The following NOCT variants were observed in gnomAD, a reference collection of about 807,000 sequenced individuals.
NOCT encodes CCR4 carbon catabolite repression 4-like.
A neutral mutation model predicts 35.0 loss-of-function variants in NOCT; 18 were observed. The ratio of observed to expected loss-of-function variants is 0.51; its 90% CI spans 0.36 to 0.76. NOCT has a LOEUF of 0.76. Among genes scored for constraint, NOCT ranks in the 30% least tolerant of loss-of-function variants. NOCT has a pLI of 0.01. For synonymous variants in NOCT, 235 were observed against 226.3 expected (o/e 1.04, Z -0.34); for missense variants, 479 against 541.0 (o/e 0.89, Z 1.14).
intron 1 of NOCT, among the ~76,000 whole-genome samples, chr4:139,037,360 C>T (rs191315310): frequency 2.6e-5 from 4 of 152,292 alleles, no homozygotes; most frequent in Admixed American, 2.6e-4. Context: ...TGTTATCACA[C>T]CTGACAAGAA....
chr4:139,020,467 CCA>C (rs977995145), intron 1 of NOCT, among the ~76,000 whole-genome samples: 2 of 152,134 alleles, frequency 1.3e-5, no homozygotes, highest in Non-Finnish European at 1.5e-5. Flanking sequence ...GCAGAGAAGA[CCA>C]CACACACAAT....
At chr4:139,028,160 G>A (rs1726558322) in intron 1 of NOCT, 1 of 152,232 alleles carries the variant, frequency 6.6e-6, no homozygotes, top group African/African-American at 2.4e-5. Flanking sequence ...GAAAAGCCCA[G>A]CTTGTGGAAA....
At chr4:139,029,572 C>G (rs1726588111) in intron 1 of NOCT, among the ~76,000 whole-genome samples, 1 of 152,158 alleles carries the variant, frequency 6.6e-6, no homozygotes. Context: ...TTGACTCCTG[C>G]CAGAAAGTAA....
At chr4:139,040,017 C>T (rs948333717) in intron 1 of NOCT, among the ~76,000 whole-genome samples, 7 of 151,038 alleles carry the variant, frequency 4.6e-5, no homozygotes, top group East Asian at 2.0e-4. Flanking sequence ...CATGAGCCAC[C>T]GCGTCCGGCC....
In NOCT at chr4:139,022,055, G is replaced by A. The variant is rs563705925; in HGVS notation, c.190+5884G>A. 9.9e-5 allele frequency among the ~76,000 whole-genome samples: 15 copies of A among 152,254 alleles called. No homozygotes were observed. In the East Asian group the frequency reaches 2.3e-3, roughly 24 times the overall value. On this transcript the variant is annotated intron_variant, in intron 1 of 2. Coordinates refer to ENST00000280614, the MANE Select transcript of NOCT (RefSeq NM_012118.4). ...ATTACAGGTGTGAGCCACCACGCCC[G>A]GCCACTAATTAGAGTTTATAGGGCT...
intron 1 of NOCT, among the ~76,000 whole-genome samples, chr4:139,033,020 G>A (rs1445736444): frequency 4.6e-5 from 7 of 151,672 alleles, no homozygotes; most frequent in African/African-American, 1.5e-4. Flanking sequence ...AGCCAACATC[G>A]CGCCACTGCA....
At chr4:139,035,265 A>G (rs917536116) in intron 1 of NOCT, among the ~76,000 whole-genome samples, 24 of 152,070 alleles carry the variant, frequency 1.6e-4, no homozygotes, top group Admixed American at 2.6e-4. Context: ...TGGGACTACC[A>G]GTGCACACCA....
chr4:139,021,961 G>T (rs973371051), intron 1 of NOCT, among the ~76,000 whole-genome samples: 4 of 152,056 alleles, frequency 2.6e-5, no homozygotes, highest in African/African-American at 9.7e-5. Flanking sequence ...GTTTCACCAT[G>T]TTGGTCAGGC....
chr4:139,027,702 G>T (rs1726548975), intron 1 of NOCT, among the ~76,000 whole-genome samples: 1 of 152,068 alleles, frequency 6.6e-6, no homozygotes, highest in African/African-American at 2.4e-5. Flanking sequence ...ATTTCACTGT[G>T]TTAGCCAGGA....
chr4:139,038,197 A>AAATAAATC lies in NOCT; in HGVS notation c.191-4870_191-4869insCAATAAAT, dbSNP rs200114954. On this transcript the variant is annotated intron_variant, in intron 1 of 2. Transcript: ENST00000280614. ...CCTGGTGACAGAGTGAGACTGTCTC[A>AAATAAATC]AATAAATAAATAAATAAATAAATAA... 7.1e-3 allele frequency among the ~76,000 whole-genome samples: 1,050 copies of AAATAAATC among 147,126 alleles called. 15 individuals are homozygous for AAATAAATC. Among genetic ancestry groups the AAATAAATC allele is most frequent in the African/African-American group, 0.026 (984 of 37,320 alleles).
chr4:139,018,589 A>G (rs1415551942), intron 1 of NOCT, among the ~76,000 whole-genome samples: 6 of 152,230 alleles, frequency 3.9e-5, no homozygotes, highest in Non-Finnish European at 8.8e-5. Flanking sequence ...TGGAAGAAAC[A>G]TGCCTGCATT....
chr4:139,043,612 C>T (rs1345070728), intron 2 of NOCT: 4 of 340,870 alleles, frequency 1.2e-5, no homozygotes, highest in Non-Finnish European at 2.1e-5. Context: ...CCACGAGTTA[C>T]TTGCTTTAAT....
intron 1 of NOCT, among the ~76,000 whole-genome samples, chr4:139,033,345 A>T (rs982046825): frequency 5.3e-5 from 8 of 151,842 alleles, no homozygotes; most frequent in African/African-American, 1.9e-4. Context: ...AGCCTGGGCA[A>T]CAGAGTGAGA....
rs1430298191 is a variant in NOCT at position 139,041,945 on chromosome 4, A to G, written c.191-1129A>G. ...GAATCTAGCCATTACTTTCCCCAACAGAGGGATCTGTATAGATGAGATGAC... is the reference window on the plus strand; with the variant it reads ...GAATCTAGCCATTACTTTCCCCAACGGAGGGATCTGTATAGATGAGATGAC... On this transcript the variant is annotated intron_variant, in intron 1 of 2. Transcript: ENST00000280614. 2.0e-5 allele frequency among the ~76,000 whole-genome samples: 3 copies of G among 152,202 alleles called. No individual in the cohort carries two copies. The East Asian group carries it at 5.8e-4, about 29-fold the overall frequency.
rs59445691 is a variant in NOCT at position 139,039,170 on chromosome 4, C to CA, written c.191-3887dup. Among the ~76,000 whole-genome samples, 115 of 91,366 alleles carry CA rather than the reference C, an allele frequency of 1.3e-3. 6 individuals are homozygous for CA. The highest frequency in any genetic ancestry group is 4.2e-3 in the African/African-American group (96 of 23,114). The allele number at this position is 91,366 out of a possible 152,430, so 59.9% of individuals were successfully genotyped here. ...GGGCAACACAGTGAAGACTCCATTTCAAAAAAAAAAAAAAAAAGCCATTCT... is the reference window on the plus strand; with the variant it reads ...GGGCAACACAGTGAAGACTCCATTTCAAAAAAAAAAAAAAAAAAGCCATTCT... On this transcript the variant is annotated intron_variant, in intron 1 of 2. Coordinates refer to ENST00000280614, the MANE Select transcript of NOCT (RefSeq NM_012118.4).
chr4:139,018,157 TGATAAC>T (rs1726346569), intron 1 of NOCT, among the ~76,000 whole-genome samples: 1 of 148,728 alleles, frequency 6.7e-6, no homozygotes, highest in South Asian at 2.2e-4. Context: ...GTATATTGCC[TGATAAC>T]TTTTTTCTTG....
intron 2 of NOCT, 136 bp downstream of exon 2, chr4:139,043,479 G>C: frequency 1.3e-6 from 1 of 788,832 alleles, no homozygotes; most frequent in Non-Finnish European, 2.1e-6. Context: ...AGCATGGAGA[G>C]CTCCTAGAAG....
At position 139,032,801 on chromosome 4, in the gene NOCT, A is replaced by G. The variant is rs1035964392; in HGVS notation, c.191-10273A>G. On this transcript the variant is annotated intron_variant, in intron 1 of 2. Transcript: ENST00000280614. Reference sequence around the variant, plus strand: ...TTTAAAGTCCTGAATAGCAACTCCTATTAAGGCATAAAACTTAAGTAGATG... The same window carrying G: ...TTTAAAGTCCTGAATAGCAACTCCTGTTAAGGCATAAAACTTAAGTAGATG... Among the ~76,000 whole-genome samples, 4 of 152,216 alleles carry G rather than the reference A, an allele frequency of 2.6e-5. No individual in the cohort carries two copies. The East Asian group carries it at 7.7e-4, about 29-fold the overall frequency.
intron 1 of NOCT, among the ~76,000 whole-genome samples, chr4:139,032,461 C>T (rs1298662060): frequency 6.6e-6 from 1 of 151,964 alleles, no homozygotes; most frequent in Non-Finnish European, 1.5e-5. Flanking sequence ...TTGAAGCCAG[C>T]CTGGGACGCT....
Sources: gnomAD v4.1 joint callset for allele counts (sites outside exome capture counted in the v4.1 genomes callset) on GRCh38, gnomAD v4.1.1 for gene constraint, MANE v1.5 for transcripts, NCBI Gene and HGNC (gene_info 2026-07-23, HGNC 2026-07-21) for gene names.